HDAC7: variants seen among roughly 807,000 people sequenced by gnomAD.
HDAC7 encodes the protein histone deacetylase 7A.
In HDAC7, 26 loss-of-function variants were observed where a neutral mutation model predicts 115.5. The observed-to-expected ratio is 0.23, with a 90% CI of 0.16 to 0.31. HDAC7 has a LOEUF of 0.31. Ranked by LOEUF, HDAC7 falls within the 10% of genes least tolerant of loss-of-function variation. The pLI, the probability that HDAC7 is intolerant of heterozygous loss-of-function variation, is 1.00. For missense variants in HDAC7, 1,068 were observed against 1,329.0 expected, an observed-to-expected ratio of 0.80 and a Z score of 3.05; for synonymous variants, 564 against 550.9, an observed-to-expected ratio of 1.02 and a Z score of -0.33.
intron 24 of HDAC7, 162 bp from the exon 25 acceptor site, chr12:47,784,379 C>T (rs552671268): frequency 1.3e-5 from 9 of 710,324 alleles, no homozygotes; most frequent in East Asian, 2.7e-5. Flanking sequence ...CTCCTCACTT[C>T]GCTCCCACTC....
chr12:47,819,751 GC>G lies in HDAC7; in HGVS notation c.19+15del. 2.4e-6 allele frequency: 2 copies of G among 839,596 alleles called. No homozygotes were observed. The highest frequency in any genetic ancestry group is 2.9e-6 in the Non-Finnish European group (2 of 688,630). 52.0% of individuals were successfully genotyped at this position (839,596 alleles called of 1,614,324 possible). On this transcript the variant is annotated intron_variant, in intron 1 of 25. Transcript: ENST00000080059. ...CGCGCGCAGGGCGGGGCGGGGGGCG[GC>G]CGCCCAGTACTCACCAGCGCCGGGG...
chr12:47,784,694 C>CCAT, intron 24 of HDAC7: 1 of 1,534,016 alleles, frequency 6.5e-7, no homozygotes, highest in Admixed American at 2.0e-5. Context: ...GGAGAACTGA[C>CCAT]CATCACCACG....
intron 21 of HDAC7, among the ~76,000 whole-genome samples, chr12:47,786,911 C>G (rs1943199820): frequency 6.6e-6 from 1 of 152,166 alleles, no homozygotes; most frequent in South Asian, 2.1e-4. Context: ...CCCTAGGGGA[C>G]TTAACTAGCA....
chr12:47,804,835 C>G (rs1044882351), intron 1 of HDAC7, among the ~76,000 whole-genome samples: 21 of 152,132 alleles, frequency 1.4e-4, no homozygotes, highest in African/African-American at 4.8e-4. Flanking sequence ...TTCTAAGCAC[C>G]TGGAACAAAC....
intron 22 of HDAC7, among the ~76,000 whole-genome samples, chr12:47,786,240 C>T (rs1309654931): frequency 1.3e-5 from 2 of 152,196 alleles, no homozygotes; most frequent in Non-Finnish European, 2.9e-5. Flanking sequence ...AGTGCTGCTT[C>T]TCTCTCCCCT....
rs368989674 is a variant in HDAC7 at position 47,802,211 on chromosome 12, G to C, written c.70+13C>G. On this transcript the variant is annotated intron_variant, in intron 2 of 25. Transcript: ENST00000080059. ...CACTCCCTACCATGGACTCCCCCGGGTTTGACTCTTACCTGCGCCAGTGGG... is the reference window on the plus strand; with the variant it reads ...CACTCCCTACCATGGACTCCCCCGGCTTTGACTCTTACCTGCGCCAGTGGG... 1.4e-5 allele frequency: 22 copies of C among 1,612,284 alleles called. No individual in the cohort carries two copies. The African/African-American group carries it at 2.7e-4, about 20-fold the overall frequency.
At chr12:47,799,049 G>A in intron 2 of HDAC7, 77 bp from the exon 3 acceptor site, 1 of 1,031,232 alleles carries the variant, frequency 9.7e-7, no homozygotes, top group Non-Finnish European at 1.4e-6. Flanking sequence ...TCCCCCCTCA[G>A]CCTCCCTCAG....
chr12:47,815,175 C>T (rs1225784791), intron 1 of HDAC7, among the ~76,000 whole-genome samples: 1 of 152,146 alleles, frequency 6.6e-6, no homozygotes, highest in African/African-American at 2.4e-5. Context: ...CTCAACAGTT[C>T]CAGGATTTCT....
rs1372005621 is a variant in HDAC7, at chr12:47,791,250, C to A, written c.1983+9G>T. On this transcript the variant is annotated intron_variant, in intron 16 of 25. Transcript: ENST00000080059. ...GCAACGCCCCCCTGAGACCCCTGGG[C>A]ACACTTACCCCAACCCCACCACAGG... The A allele has an allele frequency of 1.9e-6, 3 of 1,596,874 alleles. No homozygotes were observed. Among genetic ancestry groups the A allele is most frequent in the Non-Finnish European group, 1.7e-6 (2 of 1,171,972 alleles).
Position 47,797,343 on chromosome 12 carries a change from C to T in HDAC7, c.577+41G>A, listed in dbSNP as rs533738328. Reference sequence around the variant, plus strand: ...CTCCCCCATGTCCGAGGCCCTTCCCCCTTCCTTTGCCTGAAAGGTCCGCCT... The same window carrying T: ...CTCCCCCATGTCCGAGGCCCTTCCCTCTTCCTTTGCCTGAAAGGTCCGCCT... On this transcript the variant is annotated intron_variant, in intron 6 of 25. Transcript: ENST00000080059. This position sits in a 1 kb window ranked among gnomAD's most constrained non-coding sequence, Gnocchi z 5.5. 2.5e-6 allele frequency: 4 copies of T among 1,581,092 alleles called. No individual in the cohort carries two copies. The highest frequency in any genetic ancestry group is 4.5e-5 in the East Asian group (2 of 44,692).
chr12:47,791,166 C>A, intron 16 of HDAC7, 93 bp downstream of exon 16: 2 of 1,219,704 alleles, frequency 1.6e-6, no homozygotes, highest in Admixed American at 2.0e-5. Flanking sequence ...CCACAACAAG[C>A]AGAGGTTCTG....
At chr12:47,784,008 C>T (rs529754786) in intron 25 of HDAC7, 71 bp downstream of exon 25, 18 of 1,602,730 alleles carry the variant, frequency 1.1e-5, no homozygotes, top group African/African-American at 1.1e-4. Context: ...ATAGCGGACC[C>T]GGGGTCTTCA....
intron 14 of HDAC7, 32 bp from the exon 15 acceptor site, chr12:47,791,738 T>C (rs747370956): frequency 6.2e-7 from 1 of 1,609,980 alleles, no homozygotes; most frequent in Non-Finnish European, 8.5e-7. Context: ...TCTGAGCTCA[T>C]GCTCGCCCCT....
At chr12:47,805,862 T>G (rs771550810) in intron 1 of HDAC7, among the ~76,000 whole-genome samples, 4 of 152,182 alleles carry the variant, frequency 2.6e-5, no homozygotes, top group African/African-American at 9.7e-5. Context: ...ACTACTTCCC[T>G]GGGAAGTCAC....
At chr12:47,796,662 G>A (rs992894277) in intron 7 of HDAC7, among the ~76,000 whole-genome samples, 2 of 152,138 alleles carry the variant, frequency 1.3e-5, no homozygotes, top group African/African-American at 4.8e-5. Context: ...AACCTCAGGT[G>A]ATTGACCTGC....
At chr12:47,788,349 G>A in intron 19 of HDAC7, 185 bp from the exon 20 acceptor site, 1 of 583,396 alleles carries the variant, frequency 1.7e-6, no homozygotes, top group Non-Finnish European at 2.8e-6. Flanking sequence ...CTGAACCTCG[G>A]CCTCTCTGTG....
At chr12:47,789,453 A>C in intron 18 of HDAC7, 70 bp downstream of exon 18, 2 of 1,582,680 alleles carry the variant, frequency 1.3e-6, no homozygotes, top group Non-Finnish European at 1.7e-6. Context: ...AGAAGAGAGA[A>C]TGTCCCTGAA....
rs370393561 is a variant in HDAC7 at position 47,797,528 on chromosome 12, G to A, written c.462-29C>T. ...CAGAACGAGTGCCAAGGCTGCTTCA[G>A]AGGTGTGGGGACACTGCACGGGCAC... On this transcript the variant is annotated intron_variant, in intron 5 of 25. Transcript: ENST00000080059. This position sits in a 1 kb window ranked among gnomAD's most constrained non-coding sequence, Gnocchi z 5.5. 1 of 1,540,340 alleles carries A rather than the reference G, an allele frequency of 6.5e-7. No individual in the cohort carries two copies.
chr12:47,787,805 C>T lies in HDAC7; in HGVS notation c.2360G>A (p.Gly787Glu). The T allele has an allele frequency of 6.2e-7, 1 of 1,611,756 alleles. No homozygotes were observed. Among genetic ancestry groups the T allele is most frequent in the Admixed American group, 1.7e-5 (1 of 59,808 alleles). ...ATTGAAGCCCTCACCGCTGCCAGCC[C>T]CTACCTGGAAAACAGGAGGCAAGAG... The part of the protein sequence containing the change: ...FPGSGAVDEV[G>E]AGSGEGFNVN... Residue 787 changes from glycine (G) to glutamate (E), a missense_variant, in exon 21 of 26, where the codon GGG becomes GAG. Coordinates refer to ENST00000080059, the MANE Select transcript of HDAC7 (RefSeq NM_015401.5).
Sources: gnomAD v4.1 joint callset for allele counts (sites outside exome capture counted in the v4.1 genomes callset) on GRCh38, gnomAD v4.1.1 for gene constraint, Gnocchi (gnomAD v3.1) non-coding constraint, MANE v1.5 for transcripts, NCBI Gene and HGNC (gene_info 2026-07-23, HGNC 2026-07-21) for gene names.